SLC24A2: variants seen among roughly 807,000 people sequenced by gnomAD.
SLC24A2 encodes the protein solute carrier family 24 member 2, also known as sodium/potassium/calcium exchanger 2.
In SLC24A2, 36 loss-of-function variants were observed where a neutral mutation model predicts 62.0. The ratio of observed to expected loss-of-function variants is 0.58; its 90% CI spans 0.44 to 0.77. The LOEUF is 0.77. SLC24A2 is among the 30% of genes least tolerant of loss of function. SLC24A2 has a pLI of 0.00. For missense variants in SLC24A2, 846 were observed against 817.9 expected (o/e 1.03, Z -0.42); for synonymous variants, 358 against 294.0 (o/e 1.22, Z -2.23).
At chr9:19,777,311 C>T (rs963009801) in intron 2 of SLC24A2, among the ~76,000 whole-genome samples, 13 of 152,122 alleles carry the variant, frequency 8.5e-5, no homozygotes, top group African/African-American at 3.1e-4. Context: ...AATTAAAATG[C>T]TACGTTTCAT....
the SLC24A2 span, among the ~76,000 whole-genome samples, chr9:20,090,668 G>A: frequency 6.6e-6 from 1 of 151,696 alleles, no homozygotes; most frequent in Admixed American, 6.6e-5. Flanking sequence ...ACAAATCCTT[G>A]GCCCTGTGAA....
At chr9:19,628,636 G>A (rs1436758362) in intron 2 of SLC24A2, among the ~76,000 whole-genome samples, 2 of 152,130 alleles carry the variant, frequency 1.3e-5, no homozygotes, top group African/African-American at 2.4e-5. Context: ...TTAGTCACAC[G>A]AATTTCCTTT....
At chr9:19,551,286 G>A (rs73645421) in intron 7 of SLC24A2, among the ~76,000 whole-genome samples, 6,554 of 152,252 alleles carry the variant, frequency 0.043, 469 homozygotes, top group African/African-American at 0.15. Flanking sequence ...GAACCTGCAC[G>A]GGGTGTCGGA....
chr9:19,642,986 CTTTTTTTTTTT>C (rs71335441), intron 2 of SLC24A2, among the ~76,000 whole-genome samples: 4 of 125,304 alleles, frequency 3.2e-5, no homozygotes, highest in Middle Eastern at 4.4e-3. Flanking sequence ...GGCCAGTATT[CTTTTTTTTTTT>C]TTTTTTTTTT....
intron 2 of SLC24A2, among the ~76,000 whole-genome samples, chr9:19,767,972 G>A (rs1238608629): frequency 6.6e-6 from 1 of 152,124 alleles, no homozygotes. Context: ...GCAGCATGGG[G>A]CATCGCATGG....
the SLC24A2 span, among the ~76,000 whole-genome samples, chr9:20,164,385 G>T: frequency 1.3e-5 from 2 of 152,164 alleles, no homozygotes; most frequent in African/African-American, 4.8e-5. Context: ...ATGAAAAAAT[G>T]CTTACCATCA....
chr9:19,512,282 T>G lies in SLC24A2; in HGVS notation c.*3871A>C, dbSNP rs1832746212. The G allele has an allele frequency of 6.6e-6, 1 of 152,250 alleles. No individual in the cohort carries two copies. Among genetic ancestry groups the G allele is most frequent in the Non-Finnish European group, 1.5e-5 (1 of 68,052 alleles). 9.4% of individuals were successfully genotyped at this position (152,250 alleles called of 1,614,324 possible). A position where few individuals can be genotyped will look rare whatever the true frequency, so the allele number is the denominator to read the frequency against. ...CCTGATTCATGTCTTCCCTATAAAA[T>G]AAATTATGATGGCCCTTGTCAGGTG... On this transcript the variant is annotated 3_prime_UTR_variant, in exon 11 of 11. Coordinates refer to ENST00000341998, the MANE Select transcript of SLC24A2 (RefSeq NM_020344.4).
chr9:20,263,862 C>CCCA, the SLC24A2 span, among the ~76,000 whole-genome samples: 1 of 27,324 alleles, frequency 3.7e-5, no homozygotes, highest in Non-Finnish European at 6.3e-5. Flanking sequence ...ATCCCACCCG[C>CCCA]CCCCCCCCCC....
chr9:19,735,216 C>G (rs1429126240), intron 2 of SLC24A2, among the ~76,000 whole-genome samples: 3 of 152,008 alleles, frequency 2.0e-5, no homozygotes, highest in Non-Finnish European at 4.4e-5. Flanking sequence ...AGACACTTCT[C>G]AAAAGAAGAC....
the SLC24A2 span, among the ~76,000 whole-genome samples, chr9:19,922,238 C>T: frequency 6.6e-6 from 1 of 152,108 alleles, no homozygotes. Flanking sequence ...GAAATAGCTT[C>T]AGGGAATTCT....
the SLC24A2 span, among the ~76,000 whole-genome samples, chr9:20,253,188 G>C: frequency 6.6e-6 from 1 of 152,178 alleles, no homozygotes; most frequent in Admixed American, 6.5e-5. Context: ...AAAATATTAT[G>C]ATGCAGTAGA....
chr9:20,211,121 G>A, the SLC24A2 span, among the ~76,000 whole-genome samples: 2 of 150,098 alleles, frequency 1.3e-5, no homozygotes. Flanking sequence ...AAAAAAAAAA[G>A]AGACAAAGTT....
At chr9:19,864,681 C>G in the SLC24A2 span, among the ~76,000 whole-genome samples, 3 of 152,016 alleles carry the variant, frequency 2.0e-5, no homozygotes, top group African/African-American at 7.2e-5. Context: ...ATAGAAGGAA[C>G]ATATCTCAGC....
the SLC24A2 span, among the ~76,000 whole-genome samples, chr9:19,868,337 A>G: frequency 6.6e-6 from 1 of 152,156 alleles, no homozygotes; most frequent in East Asian, 1.9e-4. Flanking sequence ...TTGTGAACAT[A>G]CTTTTTATGA....
chr9:20,130,710 AAC>A, the SLC24A2 span, among the ~76,000 whole-genome samples: 19 of 152,150 alleles, frequency 1.2e-4, no homozygotes, highest in Non-Finnish European at 2.5e-4. Context: ...CTATTTGAAA[AAC>A]AGCACCACTC....
At chr9:20,295,289 T>G in the SLC24A2 span, among the ~76,000 whole-genome samples, 1 of 152,274 alleles carries the variant, frequency 6.6e-6, no homozygotes, top group East Asian at 1.9e-4. Context: ...GAGAGATTAG[T>G]ATATTTTCAG....
chr9:19,792,473 C>T (rs1166742915), upstream of SLC24A2, among the ~76,000 whole-genome samples: 1 of 147,848 alleles, frequency 6.8e-6, no homozygotes, highest in African/African-American at 2.5e-5. Flanking sequence ...GGTGGATCAC[C>T]TGAGGTCAGG....
At chr9:20,022,626 A>G in the SLC24A2 span, among the ~76,000 whole-genome samples, 1 of 152,222 alleles carries the variant, frequency 6.6e-6, no homozygotes, top group Non-Finnish European at 1.5e-5. Context: ...ACTAAGTTAT[A>G]TGACTAAAGA....
At chr9:20,060,679 T>C in the SLC24A2 span, among the ~76,000 whole-genome samples, 2 of 152,132 alleles carry the variant, frequency 1.3e-5, no homozygotes, top group Non-Finnish European at 2.9e-5. Context: ...TGAAAAATTT[T>C]TGGCTAACAT....
Sources: gnomAD v4.1 joint callset for allele counts (sites outside exome capture counted in the v4.1 genomes callset) on GRCh38, gnomAD v4.1.1 for gene constraint, MANE v1.5 for transcripts, NCBI Gene and HGNC (gene_info 2026-07-23, HGNC 2026-07-21) for gene names.